Variants in DEDD observed in about 807,000 individuals in gnomAD.
DEDD encodes the protein death effector domain containing, also known as death effector domain-containing protein.
Under a neutral mutation model 29.2 loss-of-function variants are expected in DEDD, and 3 were observed. That is an observed-to-expected ratio of 0.10 (90% CI 0.05 to 0.27). The LOEUF (loss-of-function observed/expected upper bound fraction) is 0.27, where lower values mean the gene tolerates loss of function less well. Ranked by LOEUF, DEDD falls within the 10% of genes least tolerant of loss-of-function variation. The pLI, the probability that DEDD is intolerant of heterozygous loss-of-function variation, is 1.00. For synonymous variants in DEDD, 152 were observed against 161.3 expected (o/e 0.94, Z 0.44); for missense variants, 261 against 420.5 (o/e 0.62, Z 3.32).
intron 2 of DEDD, among the ~76,000 whole-genome samples, chr1:161,127,233 A>C (rs544152554): frequency 6.6e-6 from 1 of 152,298 alleles, no homozygotes; most frequent in East Asian, 1.9e-4. Flanking sequence ...TTAAAAACAG[A>C]TACAGGTAAT....
chr1:161,127,002 A>T (rs986976640), intron 2 of DEDD, among the ~76,000 whole-genome samples: 8 of 152,166 alleles, frequency 5.3e-5, no homozygotes, highest in Non-Finnish European at 1.5e-5. Context: ...TACACCATTT[A>T]TCACCATGTA....
At chr1:161,130,546 T>A (rs11583045) in intron 2 of DEDD, among the ~76,000 whole-genome samples, 33,632 of 150,736 alleles carry the variant, frequency 0.22, 4,193 homozygotes, top group East Asian at 0.37. Context: ...AAAAAAAAAA[T>A]GTTTCAGAGC....
At chr1:161,129,638 T>C (rs909010189) in intron 2 of DEDD, among the ~76,000 whole-genome samples, 1 of 152,148 alleles carries the variant, frequency 6.6e-6, no homozygotes, top group Non-Finnish European at 1.5e-5. Context: ...ATACTCGTAT[T>C]TCTGTGACAG....
At chr1:161,128,730 G>T (rs891694202) in intron 2 of DEDD, among the ~76,000 whole-genome samples, 1 of 152,000 alleles carries the variant, frequency 6.6e-6, no homozygotes, top group Non-Finnish European at 1.5e-5. Flanking sequence ...AGGGTCAAAA[G>T]AATGCATGTC....
rs1655936711 is a variant in DEDD, at chr1:161,124,437, C to T, written c.26G>A (p.Ser9Asn). The stretch of plus-strand genomic sequence containing the variant: ...ACCATGCTCTTCTGGCCACACCTGG[C>T]TTGCCCGCCGCTTTAGGCCCGCCAT... Reference protein sequence around the residue: MAGLKRRASQVWPEEHGEQ... With the variant: MAGLKRRANQVWPEEHGEQ... Residue 9 changes from serine to asparagine, a missense_variant, in exon 3 of 6, where the codon AGC becomes AAC. This residue lies in a region of DEDD where 203 missense variants were observed against 268.7 expected (regional missense o/e 0.76). Transcript: ENST00000368006. 6.2e-7 allele frequency: 1 copy of T among 1,604,384 alleles called. No individual in the cohort carries two copies. Among genetic ancestry groups the T allele is most frequent in the African/African-American group, 1.3e-5 (1 of 74,822 alleles).
In DEDD at chr1:161,124,497, C is replaced by T. The variant is rs372002993; in HGVS notation, c.-35G>A. 63 of 1,570,738 alleles carry T rather than the reference C, an allele frequency of 4.0e-5. No homozygotes were observed. In the East Asian group the frequency reaches 6.8e-4, roughly 17 times the overall value. On this transcript the variant is annotated 5_prime_UTR_variant, in exon 3 of 6. Transcript: ENST00000368006. The stretch of plus-strand genomic sequence containing the variant: ...TCAGGTACGCAATGCTTTCCAGAAT[C>T]CCTGCTCAGCAGCTGCAATCCCCAC...
At position 161,123,958 on chromosome 1, in the gene DEDD, G is replaced by T. The variant is rs1655861192; in HGVS notation, c.326-12C>A. 3.1e-6 allele frequency: 5 copies of T among 1,612,600 alleles called. No homozygotes were observed. Among genetic ancestry groups the T allele is most frequent in the African/African-American group, 1.3e-5 (1 of 74,932 alleles). On this transcript the variant is annotated splice_polypyrimidine_tract_variant and intron_variant, in intron 3 of 5. Transcript: ENST00000368006. The stretch of plus-strand genomic sequence containing the variant: ...AAGATCAGGGCACACTGTAGGAGGA[G>T]AAGTAATCATTCAGGAAAATATACA...
At chr1:161,127,455 T>C (rs1656292086) in intron 2 of DEDD, among the ~76,000 whole-genome samples, 2 of 152,324 alleles carry the variant, frequency 1.3e-5, no homozygotes, top group South Asian at 2.1e-4. Context: ...GAAGAGTAAG[T>C]AGGAACTGGT....
chr1:161,123,014 A>G (rs762918432), intron 5 of DEDD, 61 bp downstream of exon 5: 1 of 1,614,196 alleles, frequency 6.2e-7, no homozygotes, highest in Non-Finnish European at 8.5e-7. Context: ...CCAGTGTCCC[A>G]GCAGTTCTTT....
chr1:161,129,842 T>C (rs191446142), intron 2 of DEDD, among the ~76,000 whole-genome samples: 2 of 152,346 alleles, frequency 1.3e-5, no homozygotes, highest in Admixed American at 1.3e-4. Context: ...CTGGCTGTAT[T>C]TGAGATAGTA....
At chr1:161,130,618 C>A (rs1482824810) in intron 2 of DEDD, among the ~76,000 whole-genome samples, 197 bp downstream of exon 2, 1 of 152,134 alleles carries the variant, frequency 6.6e-6, no homozygotes, top group Non-Finnish European at 1.5e-5. Flanking sequence ...ACATCTAAAT[C>A]TCCTTCTCTT....
chr1:161,129,053 C>T lies in DEDD; in HGVS notation c.-65+1762G>A, dbSNP rs74124646. ...CCTCTGCAAGACAGACACAAAGGAT[C>T]CTGCTCGTAAGCCTCAGGGTCATCT... On this transcript the variant is annotated intron_variant, in intron 2 of 5. Transcript: ENST00000368006. 3.3e-3 allele frequency among the ~76,000 whole-genome samples: 509 copies of T among 152,274 alleles called. 3 individuals carry two copies. Among genetic ancestry groups the T allele is most frequent in the African/African-American group, 0.012 (489 of 41,560 alleles).
At chr1:161,130,538 A>C (rs887908211) in intron 2 of DEDD, among the ~76,000 whole-genome samples, 2 of 152,206 alleles carry the variant, frequency 1.3e-5, no homozygotes, top group African/African-American at 2.4e-5. Flanking sequence ...TATGTTAAAA[A>C]AAAAAAATGT....
At chr1:161,124,792 T>G (rs1655979438) in intron 2 of DEDD, 2 of 225,652 alleles carry the variant, frequency 8.9e-6, no homozygotes, top group Non-Finnish European at 1.7e-5. Flanking sequence ...GGAGACCCGT[T>G]TCTACAAAAA....
In DEDD at chr1:161,122,708, C is replaced by T. The variant is rs934948003; in HGVS notation, c.581-185G>A. On this transcript the variant is annotated intron_variant, in intron 5 of 5. Coordinates refer to ENST00000368006, the MANE Select transcript of DEDD (RefSeq NM_032998.3). This position sits in a 1 kb window ranked among gnomAD's most constrained non-coding sequence, Gnocchi z 4.2. Reference sequence around the variant, plus strand: ...AATCCTTGCCTGAATGCAGGAGGTTCCCTTAAACGGGACATGCCGAGGTCA... The same window carrying T: ...AATCCTTGCCTGAATGCAGGAGGTTTCCTTAAACGGGACATGCCGAGGTCA... Among the ~76,000 whole-genome samples the T allele has an allele frequency of 3.3e-5, 5 of 152,200 alleles. 1 individual carries two copies. The highest frequency in any genetic ancestry group is 9.7e-5 in the African/African-American group (4 of 41,444).
rs1655907819 is a variant in DEDD at position 161,124,272 on chromosome 1, C to G, written c.191G>C (p.Gly64Ala). ...CTCCAGTGCCAATAAGAAGTCACGT[C>G]CATTTCGGATGAGTCCACGCTCGTG... ...DDHERGLIRNGRDFLLALERQ... is the reference protein window; with the variant it reads ...DDHERGLIRNARDFLLALERQ... Residue 64 changes from glycine to alanine, a missense_variant, in exon 3 of 6, where the codon GGA becomes GCA. Coordinates refer to ENST00000368006, the MANE Select transcript of DEDD (RefSeq NM_032998.3). 1 of 1,614,120 alleles carries G rather than the reference C, an allele frequency of 6.2e-7. No homozygotes were observed. Among genetic ancestry groups the G allele is most frequent in the Non-Finnish European group, 8.5e-7 (1 of 1,180,054 alleles).
intron 4 of DEDD, 52 bp downstream of exon 4, chr1:161,123,787 C>G (rs1655836280): frequency 3.4e-6 from 5 of 1,476,376 alleles, no homozygotes; most frequent in Non-Finnish European, 4.7e-6. Flanking sequence ...GTGATGGGAT[C>G]AGTGTCCTTT....
At chr1:161,123,016 C>G in intron 5 of DEDD, 59 bp downstream of exon 5, 1 of 1,614,230 alleles carries the variant, frequency 6.2e-7, no homozygotes, top group Admixed American at 1.7e-5. Flanking sequence ...AGTGTCCCAG[C>G]AGTTCTTTAT....
chr1:161,131,556 C>T (rs1435952522), intron 1 of DEDD, among the ~76,000 whole-genome samples: 1 of 152,158 alleles, frequency 6.6e-6, no homozygotes, highest in Admixed American at 6.5e-5. Flanking sequence ...GTCTGCTCCC[C>T]CACTCTTGTA....
Sources: gnomAD v4.1 joint callset for allele counts (sites outside exome capture counted in the v4.1 genomes callset) on GRCh38, gnomAD v4.1.1 for gene constraint, gnomAD v4.1.1 regional missense constraint, Gnocchi (gnomAD v3.1) non-coding constraint, MANE v1.5 for transcripts, NCBI Gene and HGNC (gene_info 2026-07-23, HGNC 2026-07-21) for gene names.